ZNF730: variants seen among roughly 807,000 people sequenced by gnomAD.
ZNF730 encodes the protein zinc finger protein 730.
A neutral mutation model predicts 12.6 loss-of-function variants in ZNF730; 12 were observed. The observed-to-expected ratio is 0.95, with a 90% CI of 0.61 to 1.54. ZNF730 has a LOEUF of 1.54. Among genes scored for constraint, ZNF730 ranks in the 40% most tolerant of loss-of-function variants. The pLI is 0.00. For synonymous variants in ZNF730, 194 were observed against 195.8 expected, an observed-to-expected ratio of 0.99 and a Z score of 0.08; for missense variants, 643 against 583.5, an observed-to-expected ratio of 1.10 and a Z score of -1.05.
In ZNF730 at chr19:23,146,470, G is replaced by A. The variant is rs776426262; in HGVS notation, c.1426G>A (p.Gly476Arg). 108 of 1,607,910 alleles carry A rather than the reference G, an allele frequency of 6.7e-5. No homozygotes were observed. The highest frequency in any genetic ancestry group is 9.0e-5 in the Non-Finnish European group (106 of 1,178,210). ...CACTACACATAAGATAATTCATTCT[G>A]GGGAAAAAATCTACAAATGTAAAGA... is the stretch of plus-strand genomic sequence containing the variant. ...TLTTHKIIHS[G>R]EKIYKCKECG... Residue 476 changes from glycine (G) to arginine (R), a missense_variant, in exon 4 of 4, where the codon GGG becomes AGG. Gly to Arg is a moderately radical substitution (Grantham distance 125). Coordinates refer to ENST00000597761, the MANE Select transcript of ZNF730 (RefSeq NM_001277403.2).
In ZNF730 at chr19:23,145,474, A is replaced by C; in HGVS notation, c.430A>C (p.Ile144Leu). ...GTGTTTGACAACTTCCCATAGCAAA[A>C]TATTTCAGTGTGACAAATATGTGAA... The part of the protein sequence containing the change: ...NQCLTTSHSK[I>L]FQCDKYVKVF... The change falls in exon 4 of 4, where the codon ATA (isoleucine) becomes CTA (leucine). Residue 144 changes from isoleucine (I) to leucine (L), a missense_variant. Coordinates refer to ENST00000597761, the MANE Select transcript of ZNF730 (RefSeq NM_001277403.2). 1 of 1,569,782 alleles carries C rather than the reference A, an allele frequency of 6.4e-7. No homozygotes were observed. Among genetic ancestry groups the C allele is most frequent in the Non-Finnish European group, 8.6e-7 (1 of 1,158,426 alleles).
chr19:23,134,011 C>A, intron 1 of ZNF730, 69 bp from the exon 2 acceptor site: 1 of 1,589,128 alleles, frequency 6.3e-7, no homozygotes, highest in Non-Finnish European at 8.6e-7. Flanking sequence ...TCTTATTTCA[C>A]CTTGAGTGAA....
At chr19:23,138,944 T>C (rs2145683371) in intron 3 of ZNF730, among the ~76,000 whole-genome samples, 1 of 152,358 alleles carries the variant, frequency 6.6e-6, no homozygotes, top group South Asian at 2.1e-4. Flanking sequence ...GGGCACCTTT[T>C]ATTTTTCCAT....
intron 1 of ZNF730, among the ~76,000 whole-genome samples, chr19:23,107,248 T>A (rs1003745443): frequency 6.6e-6 from 1 of 151,168 alleles, no homozygotes; most frequent in Non-Finnish European, 1.5e-5. Flanking sequence ...TTTTTAGTAA[T>A]GATGGGGTTT....
intron 3 of ZNF730, 131 bp downstream of exon 3, chr19:23,136,174 A>T: frequency 1.5e-6 from 1 of 667,766 alleles, no homozygotes; most frequent in Non-Finnish European, 2.1e-6. Context: ...CTTTTTATTT[A>T]TTTTGCTTTT....
chr19:23,109,557 A>G (rs1309964393), intron 1 of ZNF730, among the ~76,000 whole-genome samples: 1 of 151,358 alleles, frequency 6.6e-6, no homozygotes, highest in Non-Finnish European at 1.5e-5. Context: ...TACAGGCGCC[A>G]CACCCAGCTA....
intron 1 of ZNF730, among the ~76,000 whole-genome samples, chr19:23,102,564 C>G (rs547386214): frequency 6.6e-6 from 1 of 151,440 alleles, no homozygotes; most frequent in South Asian, 2.1e-4. Flanking sequence ...GGTGTGATCT[C>G]AGCTCACTGC....
In ZNF730 at chr19:23,117,178, TGA is replaced by T; in HGVS notation, c.3+6_3+7del. 1.2e-6 allele frequency: 2 copies of T among 1,613,644 alleles called. No homozygotes were observed. The highest frequency in any genetic ancestry group is 4.5e-5 in the East Asian group (2 of 44,862). ...GGGCCCCCTGGAAGCCTAGAAATGGTGAGAGTGCCGGTCCGACATCCCGAGAG... is the reference window on the plus strand; with the variant it reads ...GGGCCCCCTGGAAGCCTAGAAATGGTGAGTGCCGGTCCGACATCCCGAGAG... On this transcript the variant is annotated splice_donor_region_variant and intron_variant, in intron 1 of 3. Coordinates refer to ENST00000597761, the MANE Select transcript of ZNF730 (RefSeq NM_001277403.2).
At position 23,137,382 on chromosome 19, in the gene ZNF730, A is replaced by G. The variant is rs984183456; in HGVS notation, c.226+1339A>G. Among the ~76,000 whole-genome samples the G allele has an allele frequency of 8.5e-5, 13 of 152,186 alleles. No homozygotes were observed. The East Asian group carries it at 2.5e-3, about 29-fold the overall frequency. ...GGTTACTTTCTTTCTATATTTTATC[A>G]GATAGTTTAAGTGTATGGAACCATA... On this transcript the variant is annotated intron_variant, in intron 3 of 3. Coordinates refer to ENST00000597761, the MANE Select transcript of ZNF730 (RefSeq NM_001277403.2).
chr19:23,133,959 T>TA, intron 1 of ZNF730, 121 bp from the exon 2 acceptor site: 1 of 1,157,540 alleles, frequency 8.6e-7, no homozygotes, highest in Non-Finnish European at 1.2e-6. Flanking sequence ...GGTTATTAGA[T>TA]AATTTCAGTC....
At chr19:23,122,268 G>A (rs1970608750) in intron 1 of ZNF730, among the ~76,000 whole-genome samples, 2 of 149,056 alleles carry the variant, frequency 1.3e-5, no homozygotes, top group Non-Finnish European at 3.0e-5. Context: ...AGCCATTCAA[G>A]TAGCTGGGAT....
At chr19:23,119,203 C>T (rs1970568911) in intron 1 of ZNF730, among the ~76,000 whole-genome samples, 1 of 152,136 alleles carries the variant, frequency 6.6e-6, no homozygotes, top group Non-Finnish European at 1.5e-5. Context: ...TTATTTTGAA[C>T]TATTTGCCTT....
chr19:23,105,382 G>C (rs1029383927), intron 1 of ZNF730, among the ~76,000 whole-genome samples: 1 of 151,848 alleles, frequency 6.6e-6, no homozygotes, highest in African/African-American at 2.4e-5. Flanking sequence ...CAAAGTGCTG[G>C]GATTACAGGC....
Position 23,145,873 on chromosome 19 carries a change from A to T in ZNF730, c.829A>T (p.Ile277Phe). The stretch of plus-strand genomic sequence containing the variant: ...CACAAACCTTACTACACATAAAAGA[A>T]TTCATACTGGAGAGAAACCCTATAA... Reference protein sequence around the residue: ...QSTNLTTHKRIHTGEKPYKCE... With the variant: ...QSTNLTTHKRFHTGEKPYKCE... Residue 277 changes from isoleucine (I) to phenylalanine (F), a missense_variant, in exon 4 of 4, where the codon ATT becomes TTT. Ile to Phe is a conservative substitution (Grantham distance 21). Transcript: ENST00000597761. 2.5e-6 allele frequency: 4 copies of T among 1,610,386 alleles called. No individual in the cohort carries two copies. The highest frequency in any genetic ancestry group is 3.4e-6 in the Non-Finnish European group (4 of 1,179,398).
chr19:23,127,668 G>A lies in ZNF730; in HGVS notation c.4-6412G>A, dbSNP rs1426455661. ...TGAATGGTGAATTTTACTTTATTCC[G>A]CTCACTAAGAGCATCAGAAATGTCC... is the stretch of plus-strand genomic sequence containing the variant. On this transcript the variant is annotated intron_variant, in intron 1 of 3. Transcript: ENST00000597761. The A allele has an allele frequency of 1.4e-5, 17 of 1,214,894 alleles. No individual in the cohort carries two copies. The Admixed American group carries it at 1.5e-4, about 11-fold the overall frequency. 75.3% of individuals were successfully genotyped at this position (1,214,894 alleles called of 1,614,324 possible). A position where few individuals can be genotyped will look rare whatever the true frequency, so the allele number is the denominator to read the frequency against.
intron 1 of ZNF730, among the ~76,000 whole-genome samples, chr19:23,080,719 AAAT>A (rs1969948408): frequency 6.6e-6 from 1 of 151,924 alleles, no homozygotes; most frequent in Non-Finnish European, 1.5e-5. Context: ...TGTGTTCCCC[AAAT>A]CATTGCCAAA....
chr19:23,122,526 A>G (rs1020086050), intron 1 of ZNF730, among the ~76,000 whole-genome samples: 3 of 152,240 alleles, frequency 2.0e-5, no homozygotes, highest in Non-Finnish European at 2.9e-5. Context: ...AAAGAATAAA[A>G]AAGATACTGA....
In ZNF730 at chr19:23,144,504, T is replaced by C. The variant is rs1378655779; in HGVS notation, c.227-767T>C. Among the ~76,000 whole-genome samples, 5 of 151,888 alleles carry C rather than the reference T, an allele frequency of 3.3e-5. No homozygotes were observed. In the East Asian group the frequency reaches 7.7e-4, roughly 23 times the overall value. ...TCACAAGGTCAAGAGATCGAGACCA[T>C]CCTAGTCAACATGGTGAAATCCCAT... On this transcript the variant is annotated intron_variant, in intron 3 of 3. Transcript: ENST00000597761.
At chr19:23,092,954 T>C (rs979908744) in intron 1 of ZNF730, among the ~76,000 whole-genome samples, 1 of 152,184 alleles carries the variant, frequency 6.6e-6, no homozygotes, top group African/African-American at 2.4e-5. Context: ...TAGAATGAGT[T>C]AGGGAGAAGT....
Sources: allele counts gnomAD v4.1 joint callset (sites outside exome capture counted in the v4.1 genomes callset), GRCh38; gene constraint gnomAD v4.1.1; transcripts MANE v1.5; gene names NCBI Gene and HGNC (gene_info 2026-07-23, HGNC 2026-07-21).